The following IGSF3 variants were observed in gnomAD, a reference collection of about 807,000 sequenced individuals.
The protein encoded by IGSF3 is immunoglobulin superfamily member 3.
A neutral mutation model predicts 114.4 loss-of-function variants in IGSF3; 23 were observed. The ratio of observed to expected loss-of-function variants is 0.20; its 90% CI spans 0.14 to 0.28. The LOEUF (loss-of-function observed/expected upper bound fraction) is 0.28, where lower values mean the gene tolerates loss of function less well. IGSF3 is among the 10% of genes least tolerant of loss of function. The pLI is 1.00. For synonymous variants in IGSF3, 571 were observed against 645.2 expected, an observed-to-expected ratio of 0.88 and a Z score of 1.74; for missense variants, 1,172 against 1,591.5, an observed-to-expected ratio of 0.74 and a Z score of 4.48.
chr1:116,587,699 C>T (rs1659913038), intron 8 of IGSF3, among the ~76,000 whole-genome samples: 5 of 152,162 alleles, frequency 3.3e-5, no homozygotes, highest in Admixed American at 3.3e-4. Context: ...GGGTAGGCTT[C>T]TTGGAGGTGG....
rs1444113941 is a variant in IGSF3 at position 116,662,766 on chromosome 1, CA to C, written c.43+3517del. On this transcript the variant is annotated intron_variant, in intron 2 of 10. Transcript: ENST00000369486. This position sits in a 1 kb window ranked among gnomAD's most constrained non-coding sequence, Gnocchi z 4.3. ...GTGGTGTTTGTTCATCCATAAATCA[CA>C]ATCCTCATCCCCTTCTTTCAGAACC... 1.3e-5 allele frequency among the ~76,000 whole-genome samples: 2 copies of C among 152,214 alleles called. No individual in the cohort carries two copies. Among genetic ancestry groups the C allele is most frequent in the African/African-American group, 2.4e-5 (1 of 41,452 alleles).
At chr1:116,626,800 C>G (rs1372210665) in intron 2 of IGSF3, among the ~76,000 whole-genome samples, 1 of 152,162 alleles carries the variant, frequency 6.6e-6, no homozygotes, top group African/African-American at 2.4e-5. Context: ...CACCCTCTCA[C>G]CTGCATTCCC....
At chr1:116,613,266 T>C (rs1661092411) in intron 4 of IGSF3, among the ~76,000 whole-genome samples, 1 of 152,196 alleles carries the variant, frequency 6.6e-6, no homozygotes, top group Admixed American at 6.5e-5. Context: ...TATTATTAGA[T>C]AAAAAATAAT....
chr1:116,666,177 G>T, intron 2 of IGSF3, 107 bp downstream of exon 2: 1 of 1,079,790 alleles, frequency 9.3e-7, no homozygotes, highest in Non-Finnish European at 1.4e-6. Flanking sequence ...CCGCCTCCTG[G>T]TGTCCCCCAA....
chr1:116,602,375 A>AC (rs1571144337), intron 6 of IGSF3, among the ~76,000 whole-genome samples: 3 of 151,604 alleles, frequency 2.0e-5, no homozygotes, highest in African/African-American at 7.3e-5. Context: ...AAAAAAAAAA[A>AC]ACACACCAGT....
At position 116,599,942 on chromosome 1, in the gene IGSF3, T is replaced by C. The variant is rs751787559; in HGVS notation, c.2028A>G (p.Pro676=). ...AGCCCACAGGTCCGCAGCACTCACC[T>C]GGCTGCAGCACCCTGATCTCCAGCA... The part of the protein sequence containing the change: ...SNLLEIRVLQ[P]VTKLQVSKSK... The change falls in exon 7 of 11, where the codon CCA becomes CCG. Residue 676 remains proline (P), a splice_region_variant and synonymous_variant. Coordinates refer to ENST00000369486, the MANE Select transcript of IGSF3 (RefSeq NM_001007237.3). The C allele has an allele frequency of 1.9e-6, 3 of 1,609,364 alleles. No individual in the cohort carries two copies. The highest frequency in any genetic ancestry group is 1.7e-4 in the Middle Eastern group (1 of 5,882).
At position 116,632,401 on chromosome 1, in the gene IGSF3, T is replaced by A. The variant is rs115173897; in HGVS notation, c.44-15944A>T. Reference sequence around the variant, plus strand: ...CTAGCATCTCTCAGCTAGACTGTCATTGGATGGTGACATTCCCCAGGACTC... The same window carrying A: ...CTAGCATCTCTCAGCTAGACTGTCAATGGATGGTGACATTCCCCAGGACTC... On this transcript the variant is annotated intron_variant, in intron 2 of 10. Coordinates refer to ENST00000369486, the MANE Select transcript of IGSF3 (RefSeq NM_001007237.3). The surrounding 1 kb of genome is among the most constrained non-coding windows in gnomAD (Gnocchi z 5.1). Among the ~76,000 whole-genome samples the A allele has an allele frequency of 9.0e-4, 137 of 152,226 alleles. No individual in the cohort carries two copies. Among genetic ancestry groups the A allele is most frequent in the Non-Finnish European group, 1.2e-3 (79 of 68,004 alleles).
intron 2 of IGSF3, among the ~76,000 whole-genome samples, chr1:116,630,880 T>C (rs1463691085): frequency 6.6e-6 from 1 of 152,198 alleles, no homozygotes; most frequent in East Asian, 1.9e-4. Flanking sequence ...CTCGAATCTA[T>C]GCAGAGCTGC....
At chr1:116,652,735 T>C (rs1350833813) in intron 2 of IGSF3, among the ~76,000 whole-genome samples, 1 of 152,228 alleles carries the variant, frequency 6.6e-6, no homozygotes, top group Non-Finnish European at 1.5e-5. Context: ...CCTGGTATCA[T>C]TCAAGGAAAA....
chr1:116,588,756 T>C lies in IGSF3; in HGVS notation c.2378A>G (p.Tyr793Cys). The C allele has an allele frequency of 1.2e-6, 2 of 1,614,026 alleles. No individual in the cohort carries two copies. The highest frequency in any genetic ancestry group is 1.7e-6 in the Non-Finnish European group (2 of 1,179,986). ...HVEEWLLSPN[Y>C]AWYKLAEEVS... ...CTCCTCTGCCAGCTTGTACCAGGCG[T>C]AGTTGGGGCTCAGCAGCCACTCCTC... Residue 793 changes from tyrosine to cysteine, a missense_variant, in exon 8 of 11, where the codon TAC (tyrosine) becomes TGC (cysteine). Transcript: ENST00000369486. The surrounding 1 kb of genome is among the most constrained non-coding windows in gnomAD (Gnocchi z 4.9).
Position 116,588,625 on chromosome 1 carries a change from C to T in IGSF3, c.2440+69G>A. On this transcript the variant is annotated intron_variant, in intron 8 of 10. Coordinates refer to ENST00000369486, the MANE Select transcript of IGSF3 (RefSeq NM_001007237.3). The surrounding 1 kb of genome is among the most constrained non-coding windows in gnomAD (Gnocchi z 4.9). ...TCTCTCCACACCAGCCCCACAGATC[C>T]CCACCCACCCCCAGGCAGTCTCTGC... 7.2e-7 allele frequency: 1 copy of T among 1,395,600 alleles called. No homozygotes were observed. The highest frequency in any genetic ancestry group is 1.4e-5 in the South Asian group (1 of 71,188). 86.5% of individuals were successfully genotyped at this position (1,395,600 alleles called of 1,614,324 possible).
At chr1:116,663,489 T>TC (rs1649196553) in intron 2 of IGSF3, among the ~76,000 whole-genome samples, 1 of 151,646 alleles carries the variant, frequency 6.6e-6, no homozygotes, top group East Asian at 1.9e-4. Context: ...GAACCAAGGG[T>TC]TGTGGTGGCA....
At chr1:116,641,840 T>G (rs1405462950) in intron 2 of IGSF3, among the ~76,000 whole-genome samples, 1 of 151,830 alleles carries the variant, frequency 6.6e-6, no homozygotes, top group African/African-American at 2.4e-5. Flanking sequence ...TAAAGTGTTA[T>G]CAGATTTCTT....
In IGSF3 at chr1:116,616,233, C is replaced by T. The variant is rs544303323; in HGVS notation, c.268G>A (p.Gly90Arg). 17 of 1,613,494 alleles carry T rather than the reference C, an allele frequency of 1.1e-5. No homozygotes were observed. Among genetic ancestry groups the T allele is most frequent in the Admixed American group, 8.3e-5 (5 of 60,022 alleles). The change falls in exon 3 of 11, where the codon GGA (glycine) becomes AGA (arginine). Residue 90 changes from glycine (G) to arginine (R), a missense_variant. This residue lies in a region of IGSF3 where 736 missense variants were observed against 1,042.0 expected (regional missense o/e 0.71). Transcript: ENST00000369486. The surrounding 1 kb of genome is among the most constrained non-coding windows in gnomAD (Gnocchi z 6.6). ...PYAIYTQRVR[G>R]GKIFIERVQG... The stretch of plus-strand genomic sequence containing the variant: ...ACTCTTTCTATGAAGATCTTCCCTC[C>T]GCGGACGCGCTGGGTGTAGATGGCA...
At position 116,585,083 on chromosome 1, in the gene IGSF3, A is replaced by G. The variant is rs763891221; in HGVS notation, c.2441-31T>C. Reference sequence around the variant, plus strand: ...ACAGTAAGGAAGAGACGTCAGCGACAAAAGGACAACAAGCAATTCGTACGC... The same window carrying G: ...ACAGTAAGGAAGAGACGTCAGCGACGAAAGGACAACAAGCAATTCGTACGC... On this transcript the variant is annotated intron_variant, in intron 8 of 10. Coordinates refer to ENST00000369486, the MANE Select transcript of IGSF3 (RefSeq NM_001007237.3). The surrounding 1 kb of genome is among the most constrained non-coding windows in gnomAD (Gnocchi z 4.9). 1.1e-5 allele frequency: 16 copies of G among 1,496,454 alleles called. No individual in the cohort carries two copies. Among genetic ancestry groups the G allele is most frequent in the Non-Finnish European group, 1.4e-5 (16 of 1,121,554 alleles). 92.7% of individuals were successfully genotyped at this position (1,496,454 alleles called of 1,614,324 possible). A position where few individuals can be genotyped will look rare whatever the true frequency, so the allele number is the denominator to read the frequency against.
At chr1:116,581,916 G>A (rs1378744540) in intron 9 of IGSF3, among the ~76,000 whole-genome samples, 3 of 152,066 alleles carry the variant, frequency 2.0e-5, no homozygotes, top group Admixed American at 1.3e-4. Flanking sequence ...GTATCCCCAC[G>A]CTCCTGGTGA....
Position 116,624,751 on chromosome 1 carries a change from AGCT to A in IGSF3, c.44-8297_44-8295del, listed in dbSNP as rs1455317246. ...AATCCTAGGTCATGGAAAGTGATGT[AGCT>A]TCCATTTCACTCAGGGTGTCCTGAA... On this transcript the variant is annotated intron_variant, in intron 2 of 10. Coordinates refer to ENST00000369486, the MANE Select transcript of IGSF3 (RefSeq NM_001007237.3). This position sits in a 1 kb window ranked among gnomAD's most constrained non-coding sequence, Gnocchi z 4.9. Among the ~76,000 whole-genome samples, 1 of 152,248 alleles carries A rather than the reference AGCT, an allele frequency of 6.6e-6. No individual in the cohort carries two copies. Among genetic ancestry groups the A allele is most frequent in the Non-Finnish European group, 1.5e-5 (1 of 68,042 alleles).
intron 7 of IGSF3, among the ~76,000 whole-genome samples, chr1:116,599,145 GGTT>G (rs1660464728): frequency 6.6e-6 from 1 of 151,918 alleles, no homozygotes; most frequent in Non-Finnish European, 1.5e-5. Flanking sequence ...TCTTTCCTGG[GGTT>G]GTTGTGCAAT....
rs1647747373 is a variant in IGSF3, at chr1:116,634,787, A to G, written c.44-18330T>C. 6.6e-6 allele frequency among the ~76,000 whole-genome samples: 1 copy of G among 152,096 alleles called. No homozygotes were observed. On this transcript the variant is annotated intron_variant, in intron 2 of 10. Coordinates refer to ENST00000369486, the MANE Select transcript of IGSF3 (RefSeq NM_001007237.3). This position sits in a 1 kb window ranked among gnomAD's most constrained non-coding sequence, Gnocchi z 4.2. The stretch of plus-strand genomic sequence containing the variant: ...GTAGAAGTGACACTCTGTGACCTTA[A>G]GGCTAGGTCACAAACAGGGAACGCA...
Sources: gnomAD v4.1 joint callset for allele counts (sites outside exome capture counted in the v4.1 genomes callset) on GRCh38, gnomAD v4.1.1 for gene constraint, gnomAD v4.1.1 regional missense constraint, Gnocchi (gnomAD v3.1) non-coding constraint, MANE v1.5 for transcripts, NCBI Gene and HGNC (gene_info 2026-07-23, HGNC 2026-07-21) for gene names.